Variants in CD163L1 observed in about 807,000 individuals in gnomAD.
The protein encoded by CD163L1 is CD163 molecule like 1.
In CD163L1, 124 loss-of-function variants were observed where a neutral mutation model predicts 165.4. That is an observed-to-expected ratio of 0.75 (90% CI 0.65 to 0.87). The LOEUF is 0.87. Ranked by LOEUF, CD163L1 falls within the 40% of genes least tolerant of loss-of-function variation. CD163L1 has a pLI of 0.00. For missense variants in CD163L1, 1,525 were observed against 1,799.9 expected (o/e 0.85, Z 2.76); for synonymous variants, 585 against 662.2 (o/e 0.88, Z 1.79).
At chr12:7,436,646 T>C (rs1480046921) in intron 2 of CD163L1, among the ~76,000 whole-genome samples, 1 of 152,026 alleles carries the variant, frequency 6.6e-6, no homozygotes, top group Admixed American at 6.6e-5. Context: ...GTGGCACACA[T>C]CTGTAGCTGC....
At chr12:7,422,643 CAT>C (rs750987934) in intron 4 of CD163L1, among the ~76,000 whole-genome samples, 2 of 149,688 alleles carry the variant, frequency 1.3e-5, no homozygotes, top group African/African-American at 2.5e-5. Flanking sequence ...ATATATATCT[CAT>C]ATATATTCAT....
At chr12:7,387,413 T>C (rs1417531306) in intron 8 of CD163L1, among the ~76,000 whole-genome samples, 2 of 152,218 alleles carry the variant, frequency 1.3e-5, no homozygotes, top group East Asian at 3.8e-4. Flanking sequence ...TACTACATGA[T>C]ATAGTTTGGA....
At chr12:7,331,895 C>T in the CD163L1 span, among the ~76,000 whole-genome samples, 63,395 of 152,046 alleles carry the variant, frequency 0.42, 14,514 homozygotes, top group Non-Finnish European at 0.52. Flanking sequence ...TCCAAAGGAA[C>T]GCAGCTCCTC....
At chr12:7,326,782 C>T in the CD163L1 span, among the ~76,000 whole-genome samples, 3 of 152,194 alleles carry the variant, frequency 2.0e-5, no homozygotes, top group Admixed American at 6.5e-5. Flanking sequence ...TCATAAACCA[C>T]TTACCTGAAA....
At chr12:7,376,383 G>C (rs1200047964) in intron 9 of CD163L1, among the ~76,000 whole-genome samples, 1 of 152,158 alleles carries the variant, frequency 6.6e-6, no homozygotes, top group East Asian at 1.9e-4. Flanking sequence ...TTACTGGTTA[G>C]ATCCCAGCAA....
chr12:7,407,403 C>T (rs1948046749), intron 4 of CD163L1, among the ~76,000 whole-genome samples: 1 of 151,758 alleles, frequency 6.6e-6, no homozygotes, highest in African/African-American at 2.4e-5. Context: ...ACAAACGAAA[C>T]AAATGAAAAA....
chr12:7,368,940 G>A lies in CD163L1; in HGVS notation c.4065C>T (p.Ala1355=), dbSNP rs1332340598. 2 of 1,613,772 alleles carry A rather than the reference G, an allele frequency of 1.2e-6. No individual in the cohort carries two copies. The highest frequency in any genetic ancestry group is 1.7e-6 in the Non-Finnish European group (2 of 1,179,922). The part of the protein sequence containing the change: ...CSGQSLKSLN[A]SSGHLALILS... ...ATAGGCAGAAGACTATACCTGAGGAGGCATTCAGTGATTTCAGCGACTGTC... is the reference window on the plus strand; with the variant it reads ...ATAGGCAGAAGACTATACCTGAGGAAGCATTCAGTGATTTCAGCGACTGTC... Residue 1355 remains alanine (A), a synonymous_variant, in exon 16 of 20, where the codon GCC becomes GCT. Coordinates refer to ENST00000313599, the MANE Select transcript of CD163L1 (RefSeq NM_174941.6). This position sits in a 1 kb window ranked among gnomAD's most constrained non-coding sequence, Gnocchi z 4.3.
At chr12:7,411,254 A>G (rs528248140) in intron 4 of CD163L1, among the ~76,000 whole-genome samples, 10 of 152,358 alleles carry the variant, frequency 6.6e-5, no homozygotes, top group African/African-American at 2.2e-4. Context: ...AAATTTGAAC[A>G]TAGATTTTCT....
chr12:7,427,660 A>C (rs978483336), intron 4 of CD163L1, among the ~76,000 whole-genome samples: 1 of 152,072 alleles, frequency 6.6e-6, no homozygotes, highest in East Asian at 1.9e-4. Context: ...CAACAAACTC[A>C]TTTAAGGGCT....
In CD163L1 at chr12:7,432,556, T is replaced by A. The variant is rs201389253; in HGVS notation, c.626A>T (p.Asn209Ile). Residue 209 changes from asparagine (N) to isoleucine (I), a missense_variant, in exon 4 of 20, where the codon AAT (asparagine) becomes ATT (isoleucine). By Grantham distance (149) the Asn-to-Ile change is moderately radical. Transcript: ENST00000313599. The surrounding 1 kb of genome is among the most constrained non-coding windows in gnomAD (Gnocchi z 4.2). ...PSSFISSGVV[N>I]SPAVLRPIWL... is the part of the protein sequence containing the mutation. ...AATGGGGCGCAATACAGCAGGGCTA[T>A]TAACAACTCCAGAAGAAATAAAAGA... is the stretch of plus-strand genomic sequence containing the variant. The A allele has an allele frequency of 1.2e-6, 2 of 1,614,174 alleles. No individual in the cohort carries two copies. The highest frequency in any genetic ancestry group is 2.7e-5 in the African/African-American group (2 of 75,026).
At chr12:7,433,715 T>A (rs749298369) in intron 2 of CD163L1, 21 bp from the exon 3 acceptor site, 3 of 1,563,724 alleles carry the variant, frequency 1.9e-6, no homozygotes, top group Admixed American at 1.8e-5. Context: ...GACAGAAACA[T>A]ACATTAGAGA....
chr12:7,433,401 CATG>C lies in CD163L1; in HGVS notation c.415_417del (p.His139del). Reference sequence around the variant, plus strand: ...TAACAGTTCACACCAACATCTTCTCCATGATAACAGTTATGGCTTCCCCATTCC... The same window carrying C: ...TAACAGTTCACACCAACATCTTCTCCATAACAGTTATGGCTTCCCCATTCC... On this transcript the variant is annotated inframe_deletion, in exon 3 of 20. Coordinates refer to ENST00000313599, the MANE Select transcript of CD163L1 (RefSeq NM_174941.6). 1 of 1,601,164 alleles carries C rather than the reference CATG, an allele frequency of 6.2e-7. No homozygotes were observed.
At chr12:7,380,335 A>ACGCATACATACATGTATGTGTGTATACG (rs1947362421) in intron 8 of CD163L1, among the ~76,000 whole-genome samples, 1 of 112,386 alleles carries the variant, frequency 8.9e-6, no homozygotes, top group Non-Finnish European at 1.9e-5. Flanking sequence ...GTATGTATAC[A>ACGCATACATACATGTATGTGTGTATACG]CGTATACATA....
chr12:7,367,497 A>G (rs1247000796), intron 17 of CD163L1, 166 bp from the exon 18 acceptor site: 8 of 489,198 alleles, frequency 1.6e-5, no homozygotes, highest in Non-Finnish European at 3.0e-5. Context: ...TTTAAAATTT[A>G]TCCTCCTTTT....
intron 2 of CD163L1, among the ~76,000 whole-genome samples, chr12:7,436,209 T>C (rs1278638257): frequency 6.6e-6 from 1 of 152,194 alleles, no homozygotes; most frequent in Non-Finnish European, 1.5e-5. Context: ...TGCCATTACA[T>C]TATGCTTAAT....
intron 4 of CD163L1, among the ~76,000 whole-genome samples, chr12:7,412,373 C>G (rs1948153711): frequency 6.6e-6 from 1 of 152,070 alleles, no homozygotes; most frequent in South Asian, 2.1e-4. Flanking sequence ...CTGTATTACG[C>G]AGGACACCAA....
At position 7,369,809 on chromosome 12, in the gene CD163L1, G is replaced by A; in HGVS notation, c.3731-144C>T. On this transcript the variant is annotated intron_variant, in intron 14 of 19. Coordinates refer to ENST00000313599, the MANE Select transcript of CD163L1 (RefSeq NM_174941.6). The surrounding 1 kb of genome is among the most constrained non-coding windows in gnomAD (Gnocchi z 4.9). ...CAGAATTTCAATGTTACATAGATTA[G>A]ACAAGAACCTGTGAAGTGAATAAAC... 1 of 697,986 alleles carries A rather than the reference G, an allele frequency of 1.4e-6. No homozygotes were observed. Among genetic ancestry groups the A allele is most frequent in the Non-Finnish European group, 2.4e-6 (1 of 419,780 alleles). 43.2% of individuals were successfully genotyped at this position (697,986 alleles called of 1,614,324 possible). A position where few individuals can be genotyped will look rare whatever the true frequency, so the allele number is the denominator to read the frequency against.
chr12:7,340,837 T>C, the CD163L1 span, among the ~76,000 whole-genome samples: 26 of 152,356 alleles, frequency 1.7e-4, no homozygotes, highest in East Asian at 5.8e-4. Flanking sequence ...ATCTCTCTTA[T>C]ACGTCAACTT....
chr12:7,388,743 CA>C (rs146990548), intron 8 of CD163L1, among the ~76,000 whole-genome samples: 135 of 91,536 alleles, frequency 1.5e-3, no homozygotes, highest in African/African-American at 2.3e-3. Context: ...GATCCAGTTT[CA>C]AAAAAAAAAA....
Sources: gnomAD v4.1 joint callset for allele counts (sites outside exome capture counted in the v4.1 genomes callset) on GRCh38, gnomAD v4.1.1 for gene constraint, Gnocchi (gnomAD v3.1) non-coding constraint, MANE v1.5 for transcripts, NCBI Gene and HGNC (gene_info 2026-07-23, HGNC 2026-07-21) for gene names.